Variants in EPM2A observed in about 807,000 individuals in gnomAD.
EPM2A encodes EPM2A glucan phosphatase, laforin.
A neutral mutation model predicts 26.5 loss-of-function variants in EPM2A; 21 were observed. The observed-to-expected ratio is 0.79, with a 90% confidence interval of 0.56 to 1.14. EPM2A has a LOEUF of 1.14. Ranked by LOEUF, EPM2A falls within the 50% of genes most tolerant of loss-of-function variation. The pLI is 0.00. For synonymous variants in EPM2A, 217 were observed against 177.6 expected (o/e 1.22, Z -1.76); for missense variants, 458 against 440.8 (o/e 1.04, Z -0.35).
intron 4 of EPM2A, among the ~76,000 whole-genome samples, chr6:145,422,215 T>C (rs1290680643): frequency 6.8e-6 from 1 of 146,376 alleles, no homozygotes; most frequent in Non-Finnish European, 1.5e-5. Context: ...TATATAGATC[T>C]CATACAAATC....
chr6:145,453,676 C>T (rs78489523), intron 4 of EPM2A, among the ~76,000 whole-genome samples: 161 of 152,266 alleles, frequency 1.1e-3, no homozygotes, highest in Non-Finnish European at 1.8e-3. Context: ...AGTCTGGCAA[C>T]TTCAGGATAG....
rs150123543 is a variant in EPM2A at position 145,575,528 on chromosome 6, C to T, written c.340+59717G>A. On this transcript the variant is annotated intron_variant, in intron 2 of 3. Coordinates refer to the EPM2A transcript ENST00000450221. ...GAGGCTCAGTATCTGCTTCTGAAGC[C>T]GGGAGATAGAATCCCCAAGTTCAAC... is the stretch of plus-strand genomic sequence containing the variant. Among the ~76,000 whole-genome samples, 546 of 152,234 alleles carry T rather than the reference C, an allele frequency of 3.6e-3. 8 individuals are homozygous for T. Among genetic ancestry groups the T allele is most frequent in the Admixed American group, 9.6e-3 (147 of 15,280 alleles).
At chr6:145,570,662 C>T (rs1001035713) in intron 2 of EPM2A, among the ~76,000 whole-genome samples, 11 of 152,312 alleles carry the variant, frequency 7.2e-5, no homozygotes, top group African/African-American at 2.4e-4. Flanking sequence ...CAGCAAGCAC[C>T]TCAGCAGGTC....
intron 4 of EPM2A, among the ~76,000 whole-genome samples, chr6:145,403,973 G>T (rs999700182): frequency 6.6e-6 from 1 of 152,126 alleles, no homozygotes; most frequent in South Asian, 2.1e-4. Flanking sequence ...GGGGTGAGAC[G>T]ATAGTGCATT....
chr6:145,586,453 G>A (rs1356347496), intron 2 of EPM2A, among the ~76,000 whole-genome samples: 1 of 152,066 alleles, frequency 6.6e-6, no homozygotes, highest in African/African-American at 2.4e-5. Flanking sequence ...CAACATACAG[G>A]TTTAATAGCA....
chr6:145,601,634 T>C (rs1463738953), intron 2 of EPM2A, among the ~76,000 whole-genome samples: 1 of 152,208 alleles, frequency 6.6e-6, no homozygotes, highest in Admixed American at 6.5e-5. Flanking sequence ...CAAAGCATAA[T>C]ATCAGCATGA....
At chr6:145,575,927 A>G (rs1781024927) in intron 2 of EPM2A, among the ~76,000 whole-genome samples, 1 of 152,174 alleles carries the variant, frequency 6.6e-6, no homozygotes, top group South Asian at 2.1e-4. Context: ...GGACAGACCC[A>G]TTGATTCAAG....
rs570144916 is a variant in EPM2A, at chr6:145,563,796, G to C, written c.341-61221C>G. 3.3e-5 allele frequency among the ~76,000 whole-genome samples: 5 copies of C among 152,122 alleles called. No individual in the cohort carries two copies. The East Asian group carries it at 9.7e-4, about 29-fold the overall frequency. On this transcript the variant is annotated intron_variant, in intron 2 of 3. Coordinates refer to the EPM2A transcript ENST00000450221. ...CCACCTCACCCCCACCCTCACCATA[G>C]TGACCACAACACTCTATGGCTACTG...
chr6:145,433,673 G>A (rs1449737905), intron 4 of EPM2A, among the ~76,000 whole-genome samples: 2 of 152,088 alleles, frequency 1.3e-5, no homozygotes. Context: ...GAGACTTCCA[G>A]TGAAACATTG....
intron 2 of EPM2A, among the ~76,000 whole-genome samples, chr6:145,541,309 T>A (rs953364567): frequency 8.9e-5 from 13 of 146,312 alleles, no homozygotes; most frequent in Admixed American, 2.7e-4. Context: ...TGTGTGTGTG[T>A]GTATATACAT....
chr6:145,434,689 A>C (rs1431170029), intron 4 of EPM2A, among the ~76,000 whole-genome samples: 1 of 152,148 alleles, frequency 6.6e-6, no homozygotes, highest in Non-Finnish European at 1.5e-5. Context: ...TATATTCACT[A>C]TGTTGCCCAA....
chr6:145,578,010 T>C (rs1781058716), intron 2 of EPM2A, among the ~76,000 whole-genome samples: 1 of 151,732 alleles, frequency 6.6e-6, no homozygotes, highest in Non-Finnish European at 1.5e-5. Flanking sequence ...CAAATGACAA[T>C]GGAAACACAA....
At chr6:145,436,522 T>C (rs1477140801) in intron 4 of EPM2A, among the ~76,000 whole-genome samples, 2 of 152,210 alleles carry the variant, frequency 1.3e-5, no homozygotes, top group African/African-American at 4.8e-5. Flanking sequence ...CTATCTTTTT[T>C]ACTGTTAACA....
chr6:145,659,487 T>A (rs1778532058), intron 2 of EPM2A, among the ~76,000 whole-genome samples: 1 of 152,178 alleles, frequency 6.6e-6, no homozygotes, highest in African/African-American at 2.4e-5. Flanking sequence ...CCTTACTTCA[T>A]AAAATTTTAA....
intron 4 of EPM2A, among the ~76,000 whole-genome samples, chr6:145,451,310 G>C (rs1227938587): frequency 6.6e-6 from 1 of 151,368 alleles, no homozygotes; most frequent in African/African-American, 2.4e-5. Flanking sequence ...ACCAAAGCAT[G>C]ATGTTACAAA....
At chr6:145,579,539 T>C (rs1234869226) in intron 2 of EPM2A, among the ~76,000 whole-genome samples, 1 of 152,340 alleles carries the variant, frequency 6.6e-6, no homozygotes, top group South Asian at 2.1e-4. Flanking sequence ...CTTTGAACAA[T>C]GATAGCATGG....
chr6:145,426,234 G>A (rs1388232625), intron 4 of EPM2A, among the ~76,000 whole-genome samples: 5 of 152,012 alleles, frequency 3.3e-5, no homozygotes, highest in Non-Finnish European at 2.9e-5. Flanking sequence ...CTTATTACAC[G>A]CTGTCCTTTC....
chr6:145,533,963 T>C lies in EPM2A; in HGVS notation c.341-31388A>G, dbSNP rs962216462. ...CACAGTATGAGATTTGAGAAACACA[T>C]AATGGTTGCTGAATGAATAAAGATA... On this transcript the variant is annotated intron_variant, in intron 2 of 3. Transcript: ENST00000450221. 4.6e-5 allele frequency among the ~76,000 whole-genome samples: 7 copies of C among 152,158 alleles called. No individual in the cohort carries two copies. The South Asian group carries it at 1.2e-3, about 27-fold the overall frequency.
chr6:145,677,234 C>A (rs1013248776), intron 2 of EPM2A, among the ~76,000 whole-genome samples: 1 of 152,072 alleles, frequency 6.6e-6, no homozygotes, highest in Admixed American at 6.6e-5. Flanking sequence ...ATTCAACAGC[C>A]CTTCATGCTA....
Sources: gnomAD v4.1 joint callset for allele counts (sites outside exome capture counted in the v4.1 genomes callset) on GRCh38, gnomAD v4.1.1 for gene constraint, MANE v1.5 for transcripts, NCBI Gene and HGNC (gene_info 2026-07-23, HGNC 2026-07-21) for gene names.